Variants in HMCN1 observed in about 807,000 individuals in gnomAD.
HMCN1 encodes hemicentin 1.
A neutral mutation model predicts 625.9 loss-of-function variants in HMCN1; 321 were observed. The ratio of observed to expected loss-of-function variants is 0.51; its 90% CI spans 0.47 to 0.56. The LOEUF is 0.56. HMCN1 is among the 20% of genes least tolerant of loss of function. The pLI, the probability that HMCN1 is intolerant of heterozygous loss-of-function variation, is 0.00. For synonymous variants in HMCN1, 2,425 were observed against 2,417.6 expected, an observed-to-expected ratio of 1.00 and a Z score of -0.09; for missense variants, 6,588 against 6,887.3, an observed-to-expected ratio of 0.96 and a Z score of 1.54.
At chr1:185,948,346 C>G (rs906620277) in intron 11 of HMCN1, among the ~76,000 whole-genome samples, 1 of 151,866 alleles carries the variant, frequency 6.6e-6, no homozygotes, top group Non-Finnish European at 1.5e-5. Context: ...TTTATTTCAC[C>G]TGGGTGCAGG....
At chr1:185,987,747 G>T (rs1652098939) in intron 20 of HMCN1, among the ~76,000 whole-genome samples, 1 of 151,906 alleles carries the variant, frequency 6.6e-6, no homozygotes, top group Non-Finnish European at 1.5e-5. Flanking sequence ...CCCTCGGAGG[G>T]ACAGGAAGTT....
chr1:185,964,703 G>A (rs1436961440), intron 13 of HMCN1, among the ~76,000 whole-genome samples: 1 of 152,018 alleles, frequency 6.6e-6, no homozygotes. Flanking sequence ...TACAGTGGGA[G>A]GTTGGCAGAG....
chr1:185,819,214 G>A (rs1306511909), intron 1 of HMCN1, among the ~76,000 whole-genome samples: 1 of 148,798 alleles, frequency 6.7e-6, no homozygotes, highest in Admixed American at 6.7e-5. Context: ...TCCAGCCTGG[G>A]CAACAAGAGC....
Position 186,076,560 on chromosome 1 carries a change from C to A in HMCN1, c.8423C>A (p.Thr2808Lys). 6.2e-7 allele frequency: 1 copy of A among 1,613,754 alleles called. No individual in the cohort carries two copies. Among genetic ancestry groups the A allele is most frequent in the Non-Finnish European group, 8.5e-7 (1 of 1,179,828 alleles). The change falls in exon 54 of 107, where the codon ACA (threonine) becomes AAA (lysine). Residue 2808 changes from threonine to lysine, a missense_variant. Thr to Lys is a moderately conservative substitution (Grantham distance 78). This residue lies in a region of HMCN1 where 4,628 missense variants were observed against 4,853.1 expected (regional missense o/e 0.95). Transcript: ENST00000271588. ...YCETNAAPPP[T>K]LTWYKDGHPL... ...GAGACAAATGCTGCTCCCCCTCCTA[C>A]ACTGACATGGTACAAAGATGGCCAC...
intron 100 of HMCN1, among the ~76,000 whole-genome samples, chr1:186,167,740 G>A (rs1033543537): frequency 3.3e-5 from 5 of 152,120 alleles, no homozygotes; most frequent in African/African-American, 4.8e-5. Context: ...TCATACAATT[G>A]TGCAGACTTT....
intron 30 of HMCN1, among the ~76,000 whole-genome samples, chr1:186,009,377 G>A (rs72718875): frequency 0.016 from 2,425 of 152,150 alleles, 21 homozygotes; most frequent in Middle Eastern, 0.041. Context: ...GCAAAGTTTT[G>A]AATATTATAA....
At chr1:185,918,240 GC>G (rs768644815) in intron 6 of HMCN1, among the ~76,000 whole-genome samples, 5 of 152,094 alleles carry the variant, frequency 3.3e-5, no homozygotes, top group Non-Finnish European at 7.4e-5. Context: ...GTGGCCAAAG[GC>G]CCGAGAGCCC....
intron 89 of HMCN1, among the ~76,000 whole-genome samples, chr1:186,143,389 G>T (rs1650094576): frequency 6.6e-6 from 1 of 152,130 alleles, no homozygotes; most frequent in African/African-American, 2.4e-5. Flanking sequence ...ATATGACCTG[G>T]TATTCACGTG....
At chr1:185,810,654 T>TTGTGTGTG (rs34235221) in intron 1 of HMCN1, among the ~76,000 whole-genome samples, 25 of 147,572 alleles carry the variant, frequency 1.7e-4, no homozygotes, top group African/African-American at 4.2e-4. Context: ...AATATCAACT[T>TTGTGTGTG]TGTGTGTGTG....
intron 29 of HMCN1, among the ~76,000 whole-genome samples, chr1:186,004,598 A>G (rs895999263): frequency 2.0e-5 from 3 of 152,320 alleles, no homozygotes; most frequent in African/African-American, 7.2e-5. Context: ...TGTTATTTAC[A>G]GCTCATATAG....
chr1:185,970,612 C>T, intron 15 of HMCN1, 119 bp downstream of exon 15: 1 of 837,656 alleles, frequency 1.2e-6, no homozygotes, highest in South Asian at 1.4e-5. Context: ...TTAGAGGGTG[C>T]ATTTCAGATT....
chr1:186,051,890 A>C (rs963835810), intron 42 of HMCN1, among the ~76,000 whole-genome samples: 5 of 152,076 alleles, frequency 3.3e-5, no homozygotes, highest in Non-Finnish European at 7.4e-5. Context: ...AAGAACAGAG[A>C]AGTTGTCAGA....
chr1:186,014,185 C>A (rs1039488627), intron 30 of HMCN1, among the ~76,000 whole-genome samples: 1 of 151,938 alleles, frequency 6.6e-6, no homozygotes, highest in African/African-American at 2.4e-5. Context: ...GTATGGGCTG[C>A]CTCTCAAAAT....
chr1:185,897,235 T>C (rs1009556766), intron 4 of HMCN1, among the ~76,000 whole-genome samples: 8 of 152,208 alleles, frequency 5.3e-5, no homozygotes, highest in Admixed American at 1.3e-4. Context: ...ACTGCCACAT[T>C]ATTGATCATT....
At chr1:186,047,768 G>T (rs1656672391) in intron 41 of HMCN1, among the ~76,000 whole-genome samples, 1 of 152,056 alleles carries the variant, frequency 6.6e-6, no homozygotes, top group African/African-American at 2.4e-5. Context: ...AAAATGAGAA[G>T]GTTGGATTTT....
chr1:185,800,371 T>G (rs890645985), intron 1 of HMCN1, among the ~76,000 whole-genome samples: 1 of 152,134 alleles, frequency 6.6e-6, no homozygotes, highest in Non-Finnish European at 1.5e-5. Flanking sequence ...AAAAGGTGAG[T>G]GCTAGCCACA....
chr1:185,777,462 T>G (rs964516502), intron 1 of HMCN1, among the ~76,000 whole-genome samples: 1 of 151,592 alleles, frequency 6.6e-6, no homozygotes, highest in Non-Finnish European at 1.5e-5. Flanking sequence ...TTTTCTTTTT[T>G]TTTTTTCTGA....
chr1:186,164,117 C>T (rs1279253927), intron 97 of HMCN1, among the ~76,000 whole-genome samples: 1 of 152,182 alleles, frequency 6.6e-6, no homozygotes, highest in Non-Finnish European at 1.5e-5. Flanking sequence ...CTAGATGTTT[C>T]TGTCCCATCT....
intron 87 of HMCN1, 55 bp from the exon 88 acceptor site, chr1:186,137,443 C>T: frequency 1.3e-6 from 2 of 1,573,058 alleles, no homozygotes; most frequent in Non-Finnish European, 1.7e-6. Context: ...ATGAAATCTC[C>T]TTTACAATGT....
Sources: gnomAD v4.1 joint callset for allele counts (sites outside exome capture counted in the v4.1 genomes callset) on GRCh38, gnomAD v4.1.1 for gene constraint, gnomAD v4.1.1 regional missense constraint, MANE v1.5 for transcripts, NCBI Gene and HGNC (gene_info 2026-07-23, HGNC 2026-07-21) for gene names.